Variants in TNIK observed in about 807,000 individuals in gnomAD.
TNIK encodes TRAF2 and NCK interacting kinase.
TNIK carries 49 observed loss-of-function variants against 191.3 expected under a neutral mutation model. That is an observed-to-expected ratio of 0.26 (90% CI 0.20 to 0.32). The LOEUF is 0.32. Among genes scored for constraint, TNIK ranks in the 10% least tolerant of loss-of-function variants. The pLI, the probability that TNIK is intolerant of heterozygous loss-of-function variation, is 1.00. For missense variants in TNIK, 1,155 were observed against 1,702.3 expected, an observed-to-expected ratio of 0.68 and a Z score of 5.66; for synonymous variants, 594 against 600.9, an observed-to-expected ratio of 0.99 and a Z score of 0.17.
chr3:171,224,775 T>A (rs777828765), intron 3 of TNIK, among the ~76,000 whole-genome samples: 23 of 152,138 alleles, frequency 1.5e-4, no homozygotes, highest in Non-Finnish European at 2.8e-4. Flanking sequence ...AAAATCCAGC[T>A]GAGAGGTAAA....
chr3:171,101,181 CAAGAAA>C (rs2108449853), intron 22 of TNIK, among the ~76,000 whole-genome samples: 1 of 152,070 alleles, frequency 6.6e-6, no homozygotes, highest in Admixed American at 6.5e-5. Flanking sequence ...ATGAAAAGAA[CAAGAAA>C]GAGTCGCCGA....
chr3:171,386,224 C>T (rs577780096), intron 1 of TNIK, among the ~76,000 whole-genome samples: 66 of 152,182 alleles, frequency 4.3e-4, no homozygotes, highest in African/African-American at 1.5e-3. Context: ...ATAAATAACT[C>T]GGAGAGAGAT....
chr3:171,343,037 A>G (rs1711546799), intron 2 of TNIK, among the ~76,000 whole-genome samples: 1 of 152,182 alleles, frequency 6.6e-6, no homozygotes, highest in Non-Finnish European at 1.5e-5. Context: ...AGCCACATGG[A>G]AGTGTGAGTC....
At chr3:171,148,386 G>A (rs1300367635) in intron 12 of TNIK, among the ~76,000 whole-genome samples, 2 of 152,226 alleles carry the variant, frequency 1.3e-5, no homozygotes, top group African/African-American at 4.8e-5. Context: ...TAGTGTCTCT[G>A]AGCCTCAGTT....
intron 12 of TNIK, among the ~76,000 whole-genome samples, chr3:171,142,572 C>T (rs980560058): frequency 6.6e-6 from 1 of 152,060 alleles, no homozygotes; most frequent in South Asian, 2.1e-4. Flanking sequence ...GCACAGTGGA[C>T]GATGGGATAG....
At chr3:171,102,648 C>A (rs1232397037) in intron 21 of TNIK, among the ~76,000 whole-genome samples, 1 of 152,094 alleles carries the variant, frequency 6.6e-6, no homozygotes, top group Non-Finnish European at 1.5e-5. Context: ...ATATTAGTGA[C>A]CCATGTGGGA....
chr3:171,120,480 T>C lies in TNIK; in HGVS notation c.2120+3116A>G, dbSNP rs912776164. On this transcript the variant is annotated intron_variant, in intron 18 of 32. Transcript: ENST00000436636. ...GGACTACAGGCGCCTGCCACCATGC[T>C]CGACTAATTTTTGTATTTTTAGTAG... is the stretch of plus-strand genomic sequence containing the variant. 1.7e-3 allele frequency among the ~76,000 whole-genome samples: 255 copies of C among 151,962 alleles called. 3 individuals carry two copies. The highest frequency in any genetic ancestry group is 6.8e-3 in the Middle Eastern group (2 of 294).
chr3:171,360,631 G>C (rs762382656), intron 2 of TNIK, among the ~76,000 whole-genome samples: 4 of 152,196 alleles, frequency 2.6e-5, no homozygotes, highest in African/African-American at 4.8e-5. Flanking sequence ...CTGTCTTAAA[G>C]GCTTCCCAGC....
intron 10 of TNIK, among the ~76,000 whole-genome samples, chr3:171,163,534 T>A (rs934355305): frequency 6.6e-6 from 1 of 152,214 alleles, no homozygotes; most frequent in Admixed American, 6.5e-5. Flanking sequence ...GCTTCATACA[T>A]TTAGGTATGT....
intron 28 of TNIK, among the ~76,000 whole-genome samples, chr3:171,072,507 C>T (rs1719320652): frequency 6.6e-6 from 1 of 151,932 alleles, no homozygotes; most frequent in African/African-American, 2.4e-5. Flanking sequence ...AAGAGCATTC[C>T]CCCTAAGAAC....
At position 171,084,284 on chromosome 3, in the gene TNIK, G is replaced by C. The variant is rs1721063804; in HGVS notation, c.3040C>G (p.Leu1014Val). 3.1e-6 allele frequency: 5 copies of C among 1,613,822 alleles called. No individual in the cohort carries two copies. The highest frequency in any genetic ancestry group is 4.2e-6 in the Non-Finnish European group (5 of 1,179,786). Residue 1014 changes from leucine to valine, a missense_variant, in exon 26 of 33, where the codon CTC becomes GTC. Physicochemically the swap from Leu to Val is conservative, Grantham distance 32. Around this residue, in one of 3 missense-constraint regions of TNIK, gnomAD observed 735 missense variants for 848.0 expected, o/e 0.87. Transcript: ENST00000436636. ...SELLRQEQAK[L>V]NEARKISVVN... ...ACCGAAATCTTTCTTGCTTCATTGAGTTTGGCCTGTTCTTGCCTAAGAAGT... is the reference window on the plus strand; with the variant it reads ...ACCGAAATCTTTCTTGCTTCATTGACTTTGGCCTGTTCTTGCCTAAGAAGT...
Position 171,460,087 on chromosome 3 carries a change from G to A in TNIK, c.-24C>T, listed in dbSNP as rs1578014677. 6.3e-7 allele frequency: 1 copy of A among 1,596,468 alleles called. No individual in the cohort carries two copies. Among genetic ancestry groups the A allele is most frequent in the Non-Finnish European group, 8.5e-7 (1 of 1,171,286 alleles). ...ATGTCTACTTCTTCGCTGGAGAAAT[G>A]GACCAAAACCACCCCGAAGCTTTTC... On this transcript the variant is annotated 5_prime_UTR_variant, in exon 1 of 33. Transcript: ENST00000436636. The surrounding 1 kb of genome is among the most constrained non-coding windows in gnomAD (Gnocchi z 6.8).
chr3:171,298,693 A>C (rs898407596), intron 2 of TNIK, among the ~76,000 whole-genome samples: 14 of 152,202 alleles, frequency 9.2e-5, no homozygotes, highest in African/African-American at 9.6e-5. Context: ...GGAATACAAC[A>C]CTACTACCAA....
intron 18 of TNIK, among the ~76,000 whole-genome samples, chr3:171,117,716 A>T (rs1397781930): frequency 1.3e-5 from 2 of 152,150 alleles, no homozygotes; most frequent in Non-Finnish European, 2.9e-5. Context: ...CACACCTGTA[A>T]TCCCAGCACT....
intron 8 of TNIK, 121 bp downstream of exon 8, chr3:171,177,205 A>G: frequency 1.1e-6 from 1 of 912,572 alleles, no homozygotes; most frequent in African/African-American, 1.7e-5. Flanking sequence ...TAAATATGCC[A>G]GCTTGAATCC....
intron 2 of TNIK, among the ~76,000 whole-genome samples, chr3:171,282,337 TTTTG>T (rs200742434): frequency 0.19 from 23,566 of 123,840 alleles, 3,077 homozygotes; most frequent in South Asian, 0.23. Flanking sequence ...CTTAATGGTT[TTTTG>T]TTTTTTTTTT....
At chr3:171,278,106 G>A (rs755111691) in intron 2 of TNIK, among the ~76,000 whole-genome samples, 2 of 152,160 alleles carry the variant, frequency 1.3e-5, no homozygotes, top group African/African-American at 2.4e-5. Context: ...CGATGGGGAC[G>A]AACATGACAT....
Position 171,110,732 on chromosome 3 carries a change from C to G in TNIK, c.2266G>C (p.Glu756Gln), listed in dbSNP as rs1265951565. 1 of 1,598,470 alleles carries G rather than the reference C, an allele frequency of 6.3e-7. No individual in the cohort carries two copies. The highest frequency in any genetic ancestry group is 2.3e-5 in the East Asian group (1 of 44,408). Residue 756 changes from glutamate to glutamine, a missense_variant, in exon 19 of 33, where the codon GAA becomes CAA. Physicochemically the swap from Glu to Gln is conservative, Grantham distance 29 (BLOSUM62 2). Around this residue, in one of 3 missense-constraint regions of TNIK, gnomAD observed 735 missense variants for 848.0 expected, o/e 0.87. Coordinates refer to ENST00000436636, the MANE Select transcript of TNIK (RefSeq NM_015028.4). ...SQPGSQAGSS[E>Q]RTRVRANSKS... Reference sequence around the variant, plus strand: ...GTTTTACCTCGAACTCTGGTGCGTTCACTGGATCCTGCTTGTGATCCAGGC... The same window carrying G: ...GTTTTACCTCGAACTCTGGTGCGTTGACTGGATCCTGCTTGTGATCCAGGC...
intron 1 of TNIK, among the ~76,000 whole-genome samples, chr3:171,416,503 A>G (rs993617421): frequency 6.6e-6 from 1 of 152,096 alleles, no homozygotes; most frequent in African/African-American, 2.4e-5. Flanking sequence ...TAGAAAATCG[A>G]AAAACTAGAG....
Sources: gnomAD v4.1 joint callset for allele counts (sites outside exome capture counted in the v4.1 genomes callset) on GRCh38, gnomAD v4.1.1 for gene constraint, gnomAD v4.1.1 regional missense constraint, Gnocchi (gnomAD v3.1) non-coding constraint, MANE v1.5 for transcripts, NCBI Gene and HGNC (gene_info 2026-07-23, HGNC 2026-07-21) for gene names.